Variants in EYA2 observed in about 807,000 individuals in gnomAD.
EYA2 encodes protein phosphatase EYA2.
A neutral mutation model predicts 69.2 loss-of-function variants in EYA2; 31 were observed. That is an observed-to-expected ratio of 0.45 (90% CI 0.34 to 0.60). The LOEUF (loss-of-function observed/expected upper bound fraction) is 0.60. Among genes scored for constraint, EYA2 ranks in the 20% least tolerant of loss-of-function variants. The pLI is 0.02. For missense variants in EYA2, 622 were observed against 701.2 expected, an observed-to-expected ratio of 0.89 and a Z score of 1.28; for synonymous variants, 257 against 279.4, an observed-to-expected ratio of 0.92 and a Z score of 0.80.
At chr20:47,090,210 TG>T (rs765157665) in intron 8 of EYA2, among the ~76,000 whole-genome samples, 51 of 150,108 alleles carry the variant, frequency 3.4e-4, no homozygotes, top group Non-Finnish European at 4.4e-5. Flanking sequence ...TGAGAACTAG[TG>T]GTCAGGGATG....
intron 1 of EYA2, among the ~76,000 whole-genome samples, chr20:46,944,933 G>A (rs969759015): frequency 4.6e-5 from 7 of 152,024 alleles, no homozygotes; most frequent in African/African-American, 9.7e-5. Context: ...GCAAAACCCC[G>A]TCTCTACAAA....
chr20:46,937,296 TCA>T (rs1356944510), intron 1 of EYA2, among the ~76,000 whole-genome samples: 3 of 152,232 alleles, frequency 2.0e-5, no homozygotes, highest in Admixed American at 2.0e-4. Flanking sequence ...CTGCCTGAGA[TCA>T]CAGTTTCCTA....
At chr20:47,021,943 G>A (rs1301750962) in intron 5 of EYA2, among the ~76,000 whole-genome samples, 7 of 152,074 alleles carry the variant, frequency 4.6e-5, no homozygotes, top group African/African-American at 1.4e-4. Flanking sequence ...AAGCCTTCAT[G>A]ATCTGTGTTC....
intron 1 of EYA2, among the ~76,000 whole-genome samples, chr20:46,932,548 G>T (rs534571642): frequency 6.6e-6 from 1 of 152,306 alleles, no homozygotes; most frequent in South Asian, 2.1e-4. Flanking sequence ...TGCTGGTCTG[G>T]TGATAGTGAG....
At chr20:47,072,438 G>A (rs749575955) in intron 6 of EYA2, among the ~76,000 whole-genome samples, 186 bp downstream of exon 6, 2 of 152,246 alleles carry the variant, frequency 1.3e-5, no homozygotes, top group South Asian at 2.1e-4. Flanking sequence ...GTATACAGGC[G>A]GAGACGTAGG....
intron 5 of EYA2, among the ~76,000 whole-genome samples, chr20:47,022,655 C>CTTTT (rs3092574): frequency 0.011 from 1,212 of 105,518 alleles, 83 homozygotes; most frequent in Middle Eastern, 0.021. Context: ...TAAACTTCAC[C>CTTTT]TTTTTTTTTT....
chr20:47,036,326 C>T (rs576697960), intron 5 of EYA2, among the ~76,000 whole-genome samples: 7 of 152,218 alleles, frequency 4.6e-5, no homozygotes, highest in Admixed American at 2.6e-4. Context: ...CCAAAGTTCG[C>T]GCAAAAACTC....
intron 5 of EYA2, among the ~76,000 whole-genome samples, chr20:47,066,931 C>G (rs972071702): frequency 6.6e-6 from 1 of 152,144 alleles, no homozygotes; most frequent in Non-Finnish European, 1.5e-5. Context: ...TGTCAAAACC[C>G]TCCAGAGACC....
At chr20:46,940,262 A>T (rs779462297) in intron 1 of EYA2, among the ~76,000 whole-genome samples, 3 of 152,234 alleles carry the variant, frequency 2.0e-5, no homozygotes, top group Non-Finnish European at 2.9e-5. Context: ...TGTGCCAGGC[A>T]TAGCTGTAAG....
At chr20:46,983,111 A>G (rs571499638) in intron 1 of EYA2, among the ~76,000 whole-genome samples, 4 of 152,242 alleles carry the variant, frequency 2.6e-5, no homozygotes, top group African/African-American at 7.2e-5. Flanking sequence ...TTTTTTTAGC[A>G]GCATTCTCAT....
chr20:47,085,320 G>A (rs2031860612), intron 7 of EYA2, among the ~76,000 whole-genome samples: 2 of 151,984 alleles, frequency 1.3e-5, no homozygotes, highest in South Asian at 2.1e-4. Flanking sequence ...AAATTCTGAT[G>A]TATCCATACA....
At chr20:47,105,162 G>A (rs1214872719) in intron 9 of EYA2, among the ~76,000 whole-genome samples, 2 of 152,180 alleles carry the variant, frequency 1.3e-5, no homozygotes, top group African/African-American at 4.8e-5. Flanking sequence ...TTTCAAAAAT[G>A]GAAAGTAGGA....
rs3092574 is a variant in EYA2, at chr20:47,022,655, C to CTTTTT, written c.415+6374_415+6378dup. 3.1e-3 allele frequency among the ~76,000 whole-genome samples: 327 copies of CTTTTT among 105,548 alleles called. 18 individuals carry two copies. The highest frequency in any genetic ancestry group is 0.01 in the African/African-American group (276 of 27,238). 69.2% of individuals were successfully genotyped at this position (105,548 alleles called of 152,430 possible). A position where few individuals can be genotyped will look rare whatever the true frequency, so the allele number is the denominator to read the frequency against. On this transcript the variant is annotated intron_variant, in intron 5 of 15. Transcript: ENST00000327619. ...ATATAACTCACATCCTAAACTTCAC[C>CTTTTT]TTTTTTTTTTTTTTTTTTTTGAGGC...
intron 9 of EYA2, among the ~76,000 whole-genome samples, chr20:47,138,599 C>CA (rs973191708): frequency 6.6e-6 from 1 of 151,742 alleles, no homozygotes; most frequent in Non-Finnish European, 1.5e-5. Flanking sequence ...AAAAAAAATA[C>CA]AAAAAAATTA....
At chr20:47,174,604 T>C (rs1274570596) in intron 12 of EYA2, among the ~76,000 whole-genome samples, 1 of 152,256 alleles carries the variant, frequency 6.6e-6, no homozygotes, top group Admixed American at 6.5e-5. Flanking sequence ...GCGGTGCTAA[T>C]GCAGCCCACG....
At chr20:46,913,957 G>T (rs1282213915) in intron 1 of EYA2, among the ~76,000 whole-genome samples, 2 of 152,184 alleles carry the variant, frequency 1.3e-5, no homozygotes, top group Non-Finnish European at 2.9e-5. Flanking sequence ...CATGCCCAAG[G>T]TGGCCCTGCT....
At chr20:46,957,385 C>G (rs950190947) in intron 1 of EYA2, among the ~76,000 whole-genome samples, 2 of 152,204 alleles carry the variant, frequency 1.3e-5, no homozygotes, top group Non-Finnish European at 2.9e-5. Flanking sequence ...TCACTGGAAA[C>G]TGTACATGTC....
In EYA2 at chr20:47,165,856, CCT is replaced by C. The variant is rs200130637; in HGVS notation, c.979-3278_979-3277del. Among the ~76,000 whole-genome samples the C allele has an allele frequency of 4.2e-3, 644 of 152,198 alleles. 3 individuals are homozygous for C. Among genetic ancestry groups the C allele is most frequent in the African/African-American group, 0.015 (605 of 41,530 alleles). The stretch of plus-strand genomic sequence containing the variant: ...CAGGCTGCCCCAGATGCCACTGACC[CCT>C]CTCTTGCCTCCCTAAACATCACCAT... On this transcript the variant is annotated intron_variant, in intron 10 of 15. Coordinates refer to ENST00000327619, the MANE Select transcript of EYA2 (RefSeq NM_005244.5).
intron 5 of EYA2, among the ~76,000 whole-genome samples, chr20:47,045,613 G>C (rs1179891122): frequency 6.6e-6 from 1 of 152,206 alleles, no homozygotes. Context: ...TTACCTTGAA[G>C]ACGTTCTGCC....
Sources: allele counts gnomAD v4.1 joint callset (sites outside exome capture counted in the v4.1 genomes callset), GRCh38; gene constraint gnomAD v4.1.1; transcripts MANE v1.5; gene names NCBI Gene and HGNC (gene_info 2026-07-23, HGNC 2026-07-21).